FBLN5: variants seen among roughly 807,000 people sequenced by gnomAD.
FBLN5 encodes the protein fibulin-5.
In FBLN5, 24 loss-of-function variants were observed where a neutral mutation model predicts 61.6. That is an observed-to-expected ratio of 0.39 (90% CI 0.28 to 0.55). The LOEUF (loss-of-function observed/expected upper bound fraction) is 0.55, where lower values mean the gene tolerates loss of function less well. Among genes scored for constraint, FBLN5 ranks in the 20% least tolerant of loss-of-function variants. The pLI is 0.65. For missense variants in FBLN5, 470 were observed against 594.1 expected, an observed-to-expected ratio of 0.79 and a Z score of 2.17; for synonymous variants, 213 against 219.8, an observed-to-expected ratio of 0.97 and a Z score of 0.27.
intron 4 of FBLN5, among the ~76,000 whole-genome samples, chr14:91,923,448 T>C (rs189334008): frequency 5.9e-5 from 9 of 152,268 alleles, no homozygotes; most frequent in Non-Finnish European, 2.9e-5. Flanking sequence ...CTGGGTGTCA[T>C]AAGTGTGCAG....
At chr14:91,922,318 A>AG (rs2055751163) in intron 4 of FBLN5, among the ~76,000 whole-genome samples, 2 of 69,604 alleles carry the variant, frequency 2.9e-5, no homozygotes, top group Admixed American at 1.1e-4. Context: ...AATAAAGTAA[A>AG]TAAATAAATA....
chr14:91,885,475 C>T (rs1368743303), intron 7 of FBLN5, among the ~76,000 whole-genome samples: 1 of 152,180 alleles, frequency 6.6e-6, no homozygotes, highest in Non-Finnish European at 1.5e-5. Flanking sequence ...CAGTGGCCCG[C>T]CTACCTTGGA....
chr14:91,892,208 C>T (rs1004367796), intron 5 of FBLN5, among the ~76,000 whole-genome samples: 2 of 152,166 alleles, frequency 1.3e-5, no homozygotes, highest in Non-Finnish European at 2.9e-5. Flanking sequence ...AGAATTCATT[C>T]CTGTGGGGTA....
intron 3 of FBLN5, among the ~76,000 whole-genome samples, chr14:91,938,911 G>C (rs1427061873): frequency 1.3e-5 from 2 of 152,140 alleles, no homozygotes; most frequent in Non-Finnish European, 2.9e-5. Context: ...GCTGAAATGG[G>C]GGGCCAGAAA....
intron 10 of FBLN5, among the ~76,000 whole-genome samples, chr14:91,872,888 C>T (rs925852783): frequency 6.6e-6 from 1 of 152,182 alleles, no homozygotes; most frequent in Admixed American, 6.5e-5. Flanking sequence ...GAGTTGAGAA[C>T]CCTGAGCTAG....
rs370310128 is a variant in FBLN5, at chr14:91,909,995, C to A, written c.380-14923G>T. On this transcript the variant is annotated intron_variant, in intron 4 of 10. Coordinates refer to ENST00000342058, the MANE Select transcript of FBLN5 (RefSeq NM_006329.4). ...CTCCAAAAATTAAATACAAAATTACCACATGATCCAGCAATATTACTTCTG... is the reference window on the plus strand; with the variant it reads ...CTCCAAAAATTAAATACAAAATTACAACATGATCCAGCAATATTACTTCTG... 1.1e-4 allele frequency among the ~76,000 whole-genome samples: 17 copies of A among 152,288 alleles called. No homozygotes were observed. The South Asian group carries it at 2.7e-3, about 24-fold the overall frequency.
At chr14:91,901,039 G>C (rs1890429096) in intron 4 of FBLN5, among the ~76,000 whole-genome samples, 1 of 152,166 alleles carries the variant, frequency 6.6e-6, no homozygotes. Context: ...GAAAGCCAGG[G>C]TACATTCCTT....
intron 3 of FBLN5, 54 bp from the exon 4 acceptor site, chr14:91,937,255 G>C: frequency 6.2e-7 from 1 of 1,610,508 alleles, no homozygotes; most frequent in Non-Finnish European, 8.5e-7. Flanking sequence ...CCTTGTGTCC[G>C]GTGCATATTT....
intron 4 of FBLN5, among the ~76,000 whole-genome samples, chr14:91,901,598 G>A (rs1214521258): frequency 6.6e-6 from 1 of 152,124 alleles, no homozygotes; most frequent in African/African-American, 2.4e-5. Flanking sequence ...CCATTTTTCA[G>A]CAAGACGAGC....
chr14:91,940,044 C>T (rs1045035368), intron 3 of FBLN5: 23 of 442,872 alleles, frequency 5.2e-5, no homozygotes, highest in South Asian at 2.9e-4. Flanking sequence ...CCAAGGAAAG[C>T]AGGAGGCTTC....
chr14:91,902,673 C>T (rs1890509392), intron 4 of FBLN5, among the ~76,000 whole-genome samples: 1 of 152,178 alleles, frequency 6.6e-6, no homozygotes, highest in Admixed American at 6.5e-5. Context: ...CTAACTAGCT[C>T]CCACATGAGG....
intron 1 of FBLN5, among the ~76,000 whole-genome samples, chr14:91,945,944 A>G (rs1312647944): frequency 3.9e-5 from 6 of 152,234 alleles, no homozygotes; most frequent in African/African-American, 7.2e-5. Context: ...ATGAATTTCA[A>G]TGTTTTCCTG....
intron 4 of FBLN5, among the ~76,000 whole-genome samples, chr14:91,936,579 G>T (rs757047125): frequency 6.6e-5 from 10 of 152,176 alleles, no homozygotes; most frequent in Non-Finnish European, 1.3e-4. Flanking sequence ...CTTCCTCTGA[G>T]ATTTACTTAC....
intron 3 of FBLN5, chr14:91,939,797 C>A (rs537912723): frequency 4.5e-5 from 17 of 377,582 alleles, no homozygotes; most frequent in Admixed American, 2.6e-4. Flanking sequence ...TTGGGTTACA[C>A]GGCAAAGGGG....
In FBLN5 at chr14:91,887,068, G is replaced by C. The variant is rs116467689; in HGVS notation, c.739+125C>G. ...GTGATTCTGACCCCACTGCCCTGGA[G>C]GATGTCCCAAACTGGACATGTGTCC... On this transcript the variant is annotated intron_variant, in intron 7 of 10. Transcript: ENST00000342058. 4.0e-3 allele frequency: 4,172 copies of C among 1,039,812 alleles called. 111 individuals carry two copies. In the African/African-American group the frequency reaches 0.052, roughly 13 times the overall value. 64.4% of individuals were successfully genotyped at this position (1,039,812 alleles called of 1,614,324 possible).
intron 4 of FBLN5, among the ~76,000 whole-genome samples, chr14:91,934,361 C>T (rs977923194): frequency 6.6e-6 from 1 of 152,142 alleles, no homozygotes; most frequent in Admixed American, 6.5e-5. Context: ...TGACTTTGAA[C>T]AGGTTTCTTA....
At chr14:91,918,794 A>G (rs79442066) in intron 4 of FBLN5, among the ~76,000 whole-genome samples, 11,768 of 152,292 alleles carry the variant, frequency 0.077, 613 homozygotes, top group Non-Finnish European at 0.12. Flanking sequence ...TCTATCTGCA[A>G]GACAGGAGAT....
chr14:91,933,689 A>C (rs1193191938), intron 4 of FBLN5, among the ~76,000 whole-genome samples: 1 of 152,198 alleles, frequency 6.6e-6, no homozygotes, highest in African/African-American at 2.4e-5. Flanking sequence ...AGTGTAAAGA[A>C]GAAAGGAGAT....
At chr14:91,876,354 G>T (rs1410707955) in intron 10 of FBLN5, among the ~76,000 whole-genome samples, 5 of 152,178 alleles carry the variant, frequency 3.3e-5, no homozygotes, top group African/African-American at 1.2e-4. Context: ...CAGTGACCCT[G>T]GAAGATCACA....
Sources: gnomAD v4.1 joint callset for allele counts (sites outside exome capture counted in the v4.1 genomes callset) on GRCh38, gnomAD v4.1.1 for gene constraint, MANE v1.5 for transcripts, NCBI Gene and HGNC (gene_info 2026-07-23, HGNC 2026-07-21) for gene names.